HS3ST4: variants seen among roughly 807,000 people sequenced by gnomAD.
HS3ST4 encodes the protein heparan sulfate-glucosamine 3-sulfotransferase 4.
HS3ST4 carries 17 observed loss-of-function variants against 29.2 expected under a neutral mutation model. The ratio of observed to expected loss-of-function variants is 0.58; its 90% confidence interval spans 0.40 to 0.87. The LOEUF (loss-of-function observed/expected upper bound fraction) is 0.87. HS3ST4 is among the 40% of genes least tolerant of loss of function. The probability of loss-of-function intolerance (pLI) is 0.00; values close to 1 mark genes in which losing one functional copy is unlikely to be tolerated. For synonymous variants in HS3ST4, 314 were observed against 285.7 expected (o/e 1.10, Z -1.00); for missense variants, 627 against 634.5 (o/e 0.99, Z 0.13).
At chr16:25,831,421 ACACACAC>A (rs1967298197) in intron 1 of HS3ST4, among the ~76,000 whole-genome samples, 1 of 149,162 alleles carries the variant, frequency 6.7e-6, no homozygotes, top group Non-Finnish European at 1.5e-5. Context: ...ACACACACAC[ACACACAC>A]ACACACACAC....
chr16:25,834,618 T>A (rs1419880338), intron 1 of HS3ST4, among the ~76,000 whole-genome samples: 1 of 152,134 alleles, frequency 6.6e-6, no homozygotes, highest in African/African-American at 2.4e-5. Context: ...ATGTATATAG[T>A]TGCATATTGT....
intron 1 of HS3ST4, among the ~76,000 whole-genome samples, chr16:25,946,009 A>G (rs1338920655): frequency 5.3e-5 from 8 of 152,150 alleles, no homozygotes; most frequent in Admixed American, 5.2e-4. Flanking sequence ...CCCAATTCCT[A>G]GTCACTTCCA....
intron 1 of HS3ST4, among the ~76,000 whole-genome samples, chr16:25,943,181 C>T (rs1968590559): frequency 6.6e-6 from 1 of 152,080 alleles, no homozygotes; most frequent in Non-Finnish European, 1.5e-5. Context: ...TATTCTTAAG[C>T]ATCTGGGGCA....
chr16:25,887,265 G>A (rs1348748988), intron 1 of HS3ST4, among the ~76,000 whole-genome samples: 1 of 152,072 alleles, frequency 6.6e-6, no homozygotes, highest in Non-Finnish European at 1.5e-5. Flanking sequence ...TATTCAGGAG[G>A]GATATAGTTT....
chr16:26,022,129 G>C (rs1324095072), intron 1 of HS3ST4, among the ~76,000 whole-genome samples: 1 of 151,984 alleles, frequency 6.6e-6, no homozygotes, highest in African/African-American at 2.4e-5. Context: ...TGCCTGGCTA[G>C]TTTTTTAAAA....
chr16:25,867,241 T>G (rs1242653061), intron 1 of HS3ST4, among the ~76,000 whole-genome samples: 3 of 152,110 alleles, frequency 2.0e-5, no homozygotes, highest in African/African-American at 7.2e-5. Context: ...CTTTAGGAAA[T>G]TCCCCAAAGG....
At chr16:25,912,413 C>T (rs1306974568) in intron 1 of HS3ST4, among the ~76,000 whole-genome samples, 1 of 152,134 alleles carries the variant, frequency 6.6e-6, no homozygotes, top group Non-Finnish European at 1.5e-5. Context: ...CTGGCTAACC[C>T]TTATTCACTC....
At chr16:26,057,474 G>T (rs1596665953) in intron 1 of HS3ST4, among the ~76,000 whole-genome samples, 1 of 152,210 alleles carries the variant, frequency 6.6e-6, no homozygotes, top group African/African-American at 2.4e-5. Flanking sequence ...GCTGGTGCAG[G>T]CTGGGCGCGG....
At chr16:25,699,725 A>G (rs1027548690) in intron 1 of HS3ST4, among the ~76,000 whole-genome samples, 1 of 152,222 alleles carries the variant, frequency 6.6e-6, no homozygotes, top group Non-Finnish European at 1.5e-5. Context: ...AAGCTGTGGA[A>G]TAGAAGCAAC....
chr16:25,944,799 C>T (rs1968609232), intron 1 of HS3ST4, among the ~76,000 whole-genome samples: 1 of 152,098 alleles, frequency 6.6e-6, no homozygotes, highest in Non-Finnish European at 1.5e-5. Flanking sequence ...GAATGGGTGC[C>T]CAATGACCAG....
chr16:25,821,717 A>G (rs1048818706), intron 1 of HS3ST4, among the ~76,000 whole-genome samples: 2 of 152,096 alleles, frequency 1.3e-5, no homozygotes, highest in Non-Finnish European at 2.9e-5. Context: ...GCCTGAGCTC[A>G]GGAGTTTGAG....
intron 1 of HS3ST4, among the ~76,000 whole-genome samples, chr16:25,827,598 A>G (rs1967233291): frequency 6.6e-6 from 1 of 152,140 alleles, no homozygotes; most frequent in South Asian, 2.1e-4. Context: ...TATTTACTGA[A>G]GTAATCATTT....
intron 1 of HS3ST4, among the ~76,000 whole-genome samples, chr16:25,822,215 G>A (rs948269953): frequency 6.6e-6 from 1 of 152,136 alleles, no homozygotes; most frequent in Non-Finnish European, 1.5e-5. Flanking sequence ...TGGAGGCTGG[G>A]AATTCCAAGA....
intron 1 of HS3ST4, among the ~76,000 whole-genome samples, chr16:25,733,446 G>A (rs1246767363): frequency 3.3e-5 from 5 of 152,232 alleles, no homozygotes; most frequent in African/African-American, 9.6e-5. Context: ...ATCTAGCCCC[G>A]TCATGAGGCA....
chr16:25,856,909 G>A (rs1442490223), intron 1 of HS3ST4, among the ~76,000 whole-genome samples: 1 of 152,166 alleles, frequency 6.6e-6, no homozygotes, highest in Non-Finnish European at 1.5e-5. Flanking sequence ...AGCCTGAGGG[G>A]TGGTCATGGG....
chr16:25,713,986 C>G (rs1201644797), intron 1 of HS3ST4, among the ~76,000 whole-genome samples: 1 of 151,880 alleles, frequency 6.6e-6, no homozygotes, highest in African/African-American at 2.4e-5. Flanking sequence ...TAGTCATATT[C>G]TTTCTTTAGA....
At chr16:25,906,084 G>A (rs765312836) in intron 1 of HS3ST4, among the ~76,000 whole-genome samples, 12 of 152,264 alleles carry the variant, frequency 7.9e-5, no homozygotes, top group African/African-American at 9.6e-5. Flanking sequence ...AGCATGTTTC[G>A]TTGAGATAAG....
intron 1 of HS3ST4, among the ~76,000 whole-genome samples, chr16:25,914,299 GTGTA>G (rs371173427): frequency 0.022 from 3,375 of 150,846 alleles, 130 homozygotes; most frequent in African/African-American, 0.076. Context: ...GCACGTATAT[GTGTA>G]TGTATGTGTG....
chr16:25,858,569 T>C (rs1292130308), intron 1 of HS3ST4, among the ~76,000 whole-genome samples: 2 of 152,190 alleles, frequency 1.3e-5, no homozygotes, highest in Admixed American at 1.3e-4. Context: ...GAGTGGGATT[T>C]CTGAGTTGCA....
Sources: gnomAD v4.1 joint callset for allele counts (sites outside exome capture counted in the v4.1 genomes callset) on GRCh38, gnomAD v4.1.1 for gene constraint, MANE v1.5 for transcripts, NCBI Gene and HGNC (gene_info 2026-07-23, HGNC 2026-07-21) for gene names.